The following PTPRD variants were observed in gnomAD, a reference collection of about 807,000 sequenced individuals.
PTPRD encodes the protein protein tyrosine phosphatase receptor type D.
PTPRD carries 34 observed loss-of-function variants against 214.5 expected under a neutral mutation model. The ratio of observed to expected loss-of-function variants is 0.16; its 90% CI spans 0.12 to 0.21. The LOEUF (loss-of-function observed/expected upper bound fraction) is 0.21. PTPRD is among the 10% of genes least tolerant of loss of function. PTPRD has a pLI of 1.00. For missense variants in PTPRD, 2,545 were observed against 2,398.7 expected, an observed-to-expected ratio of 1.06 and a Z score of -1.27; for synonymous variants, 1,128 against 845.7, an observed-to-expected ratio of 1.33 and a Z score of -5.79.
At chr9:9,333,614 A>G (rs963803971) in intron 9 of PTPRD, among the ~76,000 whole-genome samples, 2 of 150,686 alleles carry the variant, frequency 1.3e-5, no homozygotes, top group East Asian at 1.9e-4. Context: ...TGGTCTGGAA[A>G]TGTAAAGAAG....
intron 3 of PTPRD, among the ~76,000 whole-genome samples, chr9:10,282,290 G>A (rs74788129): frequency 0.029 from 4,392 of 152,140 alleles, 228 homozygotes; most frequent in African/African-American, 0.1. Context: ...GACTCATAAC[G>A]GATATGGAAA....
At chr9:9,983,419 C>A (rs2095609124) in intron 4 of PTPRD, among the ~76,000 whole-genome samples, 1 of 152,148 alleles carries the variant, frequency 6.6e-6, no homozygotes, top group African/African-American at 2.4e-5. Flanking sequence ...AAAAACAGAA[C>A]AAACACTCTG....
chr9:9,936,390 C>T (rs1299410999), intron 5 of PTPRD, among the ~76,000 whole-genome samples: 1 of 151,890 alleles, frequency 6.6e-6, no homozygotes, highest in Non-Finnish European at 1.5e-5. Flanking sequence ...AAGAAAAAAA[C>T]AACCCAATTA....
At chr9:8,571,202 A>G (rs1202755697) in intron 14 of PTPRD, among the ~76,000 whole-genome samples, 1 of 152,086 alleles carries the variant, frequency 6.6e-6, no homozygotes, top group Non-Finnish European at 1.5e-5. Context: ...CTCTTTTAAC[A>G]CTTTCCTACT....
chr9:8,998,059 G>C (rs2099403806), intron 11 of PTPRD, among the ~76,000 whole-genome samples: 1 of 152,024 alleles, frequency 6.6e-6, no homozygotes, highest in Admixed American at 6.6e-5. Flanking sequence ...AAAAAAAGCT[G>C]TCTCCATAAC....
intron 6 of PTPRD, among the ~76,000 whole-genome samples, chr9:9,741,697 T>A (rs2098404905): frequency 6.6e-6 from 1 of 152,150 alleles, no homozygotes; most frequent in African/African-American, 2.4e-5. Context: ...TGAGTGAGAA[T>A]ATGCAGTGTT....
intron 4 of PTPRD, among the ~76,000 whole-genome samples, chr9:9,981,939 A>G (rs534708673): frequency 6.6e-5 from 10 of 152,240 alleles, no homozygotes; most frequent in African/African-American, 2.4e-4. Flanking sequence ...ACACAAATAT[A>G]TTTTACATTA....
At chr9:9,736,996 T>C (rs2098310385) in intron 6 of PTPRD, among the ~76,000 whole-genome samples, 1 of 152,062 alleles carries the variant, frequency 6.6e-6, no homozygotes. Context: ...AATAATCATA[T>C]ATACACATCT....
intron 11 of PTPRD, among the ~76,000 whole-genome samples, chr9:8,849,956 A>G (rs952844977): frequency 2.6e-5 from 4 of 152,170 alleles, no homozygotes; most frequent in Non-Finnish European, 5.9e-5. Context: ...AACACATAGG[A>G]AAGGTAGAAA....
intron 7 of PTPRD, among the ~76,000 whole-genome samples, chr9:9,667,952 T>C (rs558432113): frequency 7.9e-5 from 12 of 152,294 alleles, no homozygotes; most frequent in African/African-American, 1.4e-4. Flanking sequence ...TAAAGACTTA[T>C]GAGCTGCAAA....
intron 3 of PTPRD, among the ~76,000 whole-genome samples, chr9:10,305,719 G>GAGAT (rs1253791159): frequency 3.3e-5 from 5 of 152,078 alleles, no homozygotes; most frequent in African/African-American, 1.2e-4. Context: ...AAACTACAAT[G>GAGAT]AGATACCTTC....
chr9:9,432,027 A>G (rs12380215), intron 8 of PTPRD, among the ~76,000 whole-genome samples: 6,227 of 147,912 alleles, frequency 0.042, 191 homozygotes, highest in Non-Finnish European at 0.067. Context: ...TGTTGTGTAC[A>G]TGTACCCTAG....
chr9:9,636,841 A>G (rs1220708693), intron 7 of PTPRD, among the ~76,000 whole-genome samples: 1 of 152,200 alleles, frequency 6.6e-6, no homozygotes, highest in Non-Finnish European at 1.5e-5. Flanking sequence ...TTTGTTTCTC[A>G]TAGTCTTGGA....
intron 11 of PTPRD, among the ~76,000 whole-genome samples, chr9:8,894,391 C>T (rs1458105785): frequency 9.0e-6 from 1 of 111,204 alleles, no homozygotes; most frequent in South Asian, 2.9e-4. Context: ...CAACTGCATG[C>T]GACTGTATGG....
At chr9:9,830,531 T>C (rs1379430204) in intron 5 of PTPRD, among the ~76,000 whole-genome samples, 1 of 151,922 alleles carries the variant, frequency 6.6e-6, no homozygotes, top group East Asian at 1.9e-4. Flanking sequence ...TAAAAACTTG[T>C]TAATTTTATT....
chr9:8,329,947 G>A (rs1363694951), intron 44 of PTPRD, among the ~76,000 whole-genome samples: 1 of 55,144 alleles, frequency 1.8e-5, no homozygotes, highest in African/African-American at 5.5e-4. Flanking sequence ...TATCTTGCTG[G>A]GCTCTGTGGG....
chr9:10,260,556 A>G (rs2093625500), intron 3 of PTPRD, among the ~76,000 whole-genome samples: 1 of 152,146 alleles, frequency 6.6e-6, no homozygotes, highest in Non-Finnish European at 1.5e-5. Context: ...TTGTGATCCT[A>G]AATCCTTAGA....
intron 5 of PTPRD, among the ~76,000 whole-genome samples, chr9:9,825,498 A>C (rs186406345): frequency 6.6e-6 from 1 of 151,934 alleles, no homozygotes; most frequent in Non-Finnish European, 1.5e-5. Flanking sequence ...AGACAGACAG[A>C]AACAGACAGG....
At chr9:8,471,226 A>G (rs1591390013) in intron 30 of PTPRD, 141 bp from the exon 31 acceptor site, 2 of 676,534 alleles carry the variant, frequency 3.0e-6, no homozygotes, top group East Asian at 5.3e-5. Context: ...CATCAATGAC[A>G]AATATCCACC....
Sources: gnomAD v4.1 joint callset for allele counts (sites outside exome capture counted in the v4.1 genomes callset) on GRCh38, gnomAD v4.1.1 for gene constraint, MANE v1.5 for transcripts, NCBI Gene and HGNC (gene_info 2026-07-23, HGNC 2026-07-21) for gene names.